Variants in SIDT1 observed in about 807,000 individuals in gnomAD.
The protein encoded by SIDT1 is SID1 transmembrane family, member 1.
Under a neutral mutation model 107.5 loss-of-function variants are expected in SIDT1, and 101 were observed. The observed-to-expected ratio is 0.94, with a 90% CI of 0.80 to 1.11. The LOEUF (loss-of-function observed/expected upper bound fraction) is 1.11. Ranked by LOEUF, SIDT1 falls within the 50% of genes least tolerant of loss-of-function variation. SIDT1 has a pLI of 0.00. For missense variants in SIDT1, 1,076 were observed against 1,058.2 expected, an observed-to-expected ratio of 1.02 and a Z score of -0.23; for synonymous variants, 395 against 398.2, an observed-to-expected ratio of 0.99 and a Z score of 0.10.
At chr3:113,570,489 AAAT>A (rs1942353706) in intron 3 of SIDT1, among the ~76,000 whole-genome samples, 1 of 152,258 alleles carries the variant, frequency 6.6e-6, no homozygotes, top group Non-Finnish European at 1.5e-5. Flanking sequence ...AATTCTGTGA[AAAT>A]AAAGTCATAA....
chr3:113,560,183 G>A (rs1351233426), intron 1 of SIDT1, among the ~76,000 whole-genome samples: 5 of 152,040 alleles, frequency 3.3e-5, no homozygotes, highest in Admixed American at 6.6e-5. Context: ...CTAACACTAC[G>A]AGTGGAGGTC....
intron 10 of SIDT1, among the ~76,000 whole-genome samples, chr3:113,596,426 A>G (rs181841321): frequency 6.6e-6 from 1 of 152,362 alleles, no homozygotes; most frequent in African/African-American, 2.4e-5. Flanking sequence ...TCCAACTATA[A>G]TAAAAAGCAA....
At chr3:113,552,143 C>T (rs7620700) in intron 1 of SIDT1, among the ~76,000 whole-genome samples, 18,757 of 152,130 alleles carry the variant, frequency 0.12, 1,698 homozygotes, top group African/African-American at 0.24. Flanking sequence ...AAAAAGTTAA[C>T]ATTTGAGTGT....
chr3:113,636,688 T>A, the SIDT1 span, among the ~76,000 whole-genome samples: 1 of 152,190 alleles, frequency 6.6e-6, no homozygotes, highest in Non-Finnish European at 1.5e-5. Context: ...GCTTATTTGA[T>A]CATGTGAAAA....
rs751428480 is a variant in SIDT1 at position 113,604,990 on chromosome 3, C to T, written c.1404+14C>T. 3.1e-6 allele frequency: 5 copies of T among 1,613,348 alleles called. No individual in the cohort carries two copies. Among genetic ancestry groups the T allele is most frequent in the Non-Finnish European group, 3.4e-6 (4 of 1,179,916 alleles). The stretch of plus-strand genomic sequence containing the variant: ...ACCTATCAGACAGTAAGTGCTGCCC[C>T]AGCCCCAGCCCCAGAGTCCCAGCTT... On this transcript the variant is annotated intron_variant, in intron 14 of 24. Transcript: ENST00000264852.
chr3:113,621,453 A>G (rs1040066428), intron 21 of SIDT1, among the ~76,000 whole-genome samples: 2 of 152,146 alleles, frequency 1.3e-5, no homozygotes, highest in Non-Finnish European at 2.9e-5. Flanking sequence ...AAAAAGAAAA[A>G]AAAAAAGAAC....
At chr3:113,618,171 A>G (rs1021417532) in intron 20 of SIDT1, among the ~76,000 whole-genome samples, 2 of 152,188 alleles carry the variant, frequency 1.3e-5, no homozygotes, top group Admixed American at 1.3e-4. Flanking sequence ...TTGGAATCAT[A>G]CAGTATATAG....
At chr3:113,636,515 T>C in the SIDT1 span, among the ~76,000 whole-genome samples, 1 of 152,172 alleles carries the variant, frequency 6.6e-6, no homozygotes, top group Non-Finnish European at 1.5e-5. Context: ...TCCCAGAAAC[T>C]TCCCAAACCA....
chr3:113,566,318 G>A (rs1393080979), intron 1 of SIDT1, 102 bp from the exon 2 acceptor site: 3 of 1,174,150 alleles, frequency 2.6e-6, no homozygotes, highest in Non-Finnish European at 3.6e-6. Context: ...GGCAACTATG[G>A]TGTGTGTGTT....
chr3:113,627,786 T>G lies in SIDT1; in HGVS notation c.*78T>G. The G allele has an allele frequency of 7.4e-7, 1 of 1,346,456 alleles. No homozygotes were observed. The highest frequency in any genetic ancestry group is 1.1e-6 in the Non-Finnish European group (1 of 940,344). The allele number at this position is 1,346,456 out of a possible 1,614,324, so 83.4% of individuals were successfully genotyped here. A position where few individuals can be genotyped will look rare whatever the true frequency, so the allele number is the denominator to read the frequency against. The stretch of plus-strand genomic sequence containing the variant: ...AAAAATTACAGTGACCACAGCAAAG[T>G]AACCACTGCCAGATGCTCCACTCAC... On this transcript the variant is annotated 3_prime_UTR_variant, in exon 25 of 25. Coordinates refer to ENST00000264852, the MANE Select transcript of SIDT1 (RefSeq NM_017699.3).
At chr3:113,600,355 G>A (rs769494675) in intron 10 of SIDT1, among the ~76,000 whole-genome samples, 4 of 151,520 alleles carry the variant, frequency 2.6e-5, no homozygotes, top group South Asian at 2.1e-4. Context: ...AGTTCTCACC[G>A]AGACCAATAC....
chr3:113,619,187 A>G (rs1303026943), intron 20 of SIDT1, among the ~76,000 whole-genome samples: 1 of 152,186 alleles, frequency 6.6e-6, no homozygotes, highest in South Asian at 2.1e-4. Context: ...TATATTGTAG[A>G]CACAGGAACC....
intron 9 of SIDT1, chr3:113,592,601 C>CCTTTT (rs1944246525): frequency 6.8e-6 from 1 of 146,754 alleles, no homozygotes; most frequent in Non-Finnish European, 1.5e-5. Flanking sequence ...TTTTCTTTTT[C>CCTTTT]TTTTTTTTTT....
Position 113,541,111 on chromosome 3 carries a change from A to AATATAT in SIDT1, c.222+7886_222+7891dup, listed in dbSNP as rs10534213. Among the ~76,000 whole-genome samples, 289 of 149,252 alleles carry AATATAT rather than the reference A, an allele frequency of 1.9e-3. 1 individual carries two copies. The highest frequency in any genetic ancestry group is 6.7e-3 in the African/African-American group (273 of 40,552). On this transcript the variant is annotated intron_variant, in intron 1 of 24. Coordinates refer to ENST00000264852, the MANE Select transcript of SIDT1 (RefSeq NM_017699.3). ...CTAACCAACTGTCAGTCTTAGTTCTAATATATATATATATATATATATACA... is the reference window on the plus strand; with the variant it reads ...CTAACCAACTGTCAGTCTTAGTTCTAATATATATATATATATATATATATATATACA...
At chr3:113,573,538 C>A (rs1429376177) in intron 3 of SIDT1, among the ~76,000 whole-genome samples, 1 of 152,092 alleles carries the variant, frequency 6.6e-6, no homozygotes, top group African/African-American at 2.4e-5. Flanking sequence ...CTGGATTTAG[C>A]GATTAGATAG....
At position 113,627,855 on chromosome 3, in the gene SIDT1, C is replaced by T. The variant is rs1040384401; in HGVS notation, c.*147C>T. ...TGCATTCACACAGGAAGGAGAGGGG[C>T]TGCGGGAGATTTAAACCTGCAAGAA... On this transcript the variant is annotated 3_prime_UTR_variant, in exon 25 of 25. Transcript: ENST00000264852. 1 of 699,788 alleles carries T rather than the reference C, an allele frequency of 1.4e-6. No individual in the cohort carries two copies. Among genetic ancestry groups the T allele is most frequent in the African/African-American group, 1.8e-5 (1 of 56,134 alleles). The allele number at this position is 699,788 out of a possible 1,614,324, so 43.3% of individuals were successfully genotyped here.
At position 113,627,773 on chromosome 3, in the gene SIDT1, GACCACAGCAAAGTA is replaced by G; in HGVS notation, c.*71_*84del. The G allele has an allele frequency of 6.7e-7, 1 of 1,490,198 alleles. No homozygotes were observed. The allele number at this position is 1,490,198 out of a possible 1,614,324, so 92.3% of individuals were successfully genotyped here. A position where few individuals can be genotyped will look rare whatever the true frequency, so the allele number is the denominator to read the frequency against. Reference sequence around the variant, plus strand: ...GGTGCTGTTTCACAAAAATTACAGTGACCACAGCAAAGTAACCACTGCCAGATGCTCCACTCACC... The same window carrying G: ...GGTGCTGTTTCACAAAAATTACAGTGACCACTGCCAGATGCTCCACTCACC... On this transcript the variant is annotated 3_prime_UTR_variant, in exon 25 of 25. Coordinates refer to ENST00000264852, the MANE Select transcript of SIDT1 (RefSeq NM_017699.3).
chr3:113,608,204 A>G lies in SIDT1; in HGVS notation c.1589A>G (p.Asp530Gly). 1.3e-6 allele frequency: 2 copies of G among 1,598,312 alleles called. No homozygotes were observed. Among genetic ancestry groups the G allele is most frequent in the Non-Finnish European group, 1.7e-6 (2 of 1,172,148 alleles). The change falls in exon 16 of 25, where the codon GAC becomes GGC. Residue 530 changes from aspartate to glycine, a missense_variant. Transcript: ENST00000264852. ...ILHRRALEAK[D>G]IFAVEYGIPK... is the part of the protein sequence containing the mutation. ...CATCGGAGAGCCCTGGAAGCCAAGG[A>G]CATCTTTGCTGTGGTGAGGAAAGAG...
At chr3:113,577,078 T>A (rs1942964078) in intron 4 of SIDT1, 111 bp downstream of exon 4, 1 of 980,582 alleles carries the variant, frequency 1.0e-6, no homozygotes, top group African/African-American at 1.6e-5. Flanking sequence ...GCCCTTGACC[T>A]TTCACAACTT....
Sources: gnomAD v4.1 joint callset for allele counts (sites outside exome capture counted in the v4.1 genomes callset) on GRCh38, gnomAD v4.1.1 for gene constraint, MANE v1.5 for transcripts, NCBI Gene and HGNC (gene_info 2026-07-23, HGNC 2026-07-21) for gene names.